DOK4: variants seen among roughly 807,000 people sequenced by gnomAD.
The protein encoded by DOK4 is downstream of tyrosine kinase 4.
In DOK4, 26 loss-of-function variants were observed where a neutral mutation model predicts 40.1. The observed-to-expected ratio is 0.65, with a 90% CI of 0.48 to 0.90. DOK4 has a LOEUF of 0.90. Among genes scored for constraint, DOK4 ranks in the 40% least tolerant of loss-of-function variants. The pLI is 0.00. For missense variants in DOK4, 392 were observed against 437.2 expected (o/e 0.90, Z 0.92); for synonymous variants, 179 against 177.0 (o/e 1.01, Z -0.09).
chr16:57,476,065 T>G, intron 2 of DOK4, 108 bp from the exon 3 acceptor site: 1 of 923,856 alleles, frequency 1.1e-6, no homozygotes, highest in Non-Finnish European at 1.7e-6. Flanking sequence ...CGCACAGCCT[T>G]CCCTGGAGCC....
exon 8 of DOK4, chr16:57,473,685 T>C: frequency 1.2e-6 from 2 of 1,614,166 alleles, no homozygotes; most frequent in South Asian, 1.1e-5. Context: ...CGCGGCAGCA[T>C]GGTCGTGGGT....
chr16:57,478,085 G>A lies in DOK4; in HGVS notation c.66+1357C>T, dbSNP rs568519876. ...AAGTCTGGGGCCATAGGAATGAGAAGTGATGTTAGAAGCGAAGCCTCTGCT... is the reference window on the plus strand; with the variant it reads ...AAGTCTGGGGCCATAGGAATGAGAAATGATGTTAGAAGCGAAGCCTCTGCT... On this transcript the variant is annotated intron_variant, in intron 2 of 8. Coordinates refer to ENST00000340099, the Ensembl canonical transcript of DOK4. Among the ~76,000 whole-genome samples the A allele has an allele frequency of 4.6e-5, 7 of 152,364 alleles. No homozygotes were observed. The South Asian group carries it at 1.4e-3, about 32-fold the overall frequency.
chr16:57,474,938 A>C, exon 6 of DOK4: 3 of 1,613,770 alleles, frequency 1.9e-6, no homozygotes, highest in Non-Finnish European at 2.5e-6. Context: ...CACTCGCCAT[A>C]CACGTCCAGG....
At position 57,474,087 on chromosome 16, in the gene DOK4, A is replaced by T. The variant is rs2031029483; in HGVS notation, c.600-48T>A. On this transcript the variant is annotated intron_variant, in intron 6 of 8. Transcript: ENST00000340099. ...AAGATGGTGGGGACCCACCACAGACATGCATGTGATTAGTTAGGCTCTCTT... is the reference window on the plus strand; with the variant it reads ...AAGATGGTGGGGACCCACCACAGACTTGCATGTGATTAGTTAGGCTCTCTT... 1.9e-6 allele frequency: 3 copies of T among 1,607,830 alleles called. No individual in the cohort carries two copies. The East Asian group carries it at 6.7e-5, about 36-fold the overall frequency.
Position 57,475,330 on chromosome 16 carries a change from C to T in DOK4, c.290-111G>A, listed in dbSNP as rs1327270870. 2.0e-6 allele frequency: 3 copies of T among 1,525,716 alleles called. No homozygotes were observed. In the East Asian group the frequency reaches 6.8e-5, roughly 34 times the overall value. 94.5% of individuals were successfully genotyped at this position (1,525,716 alleles called of 1,614,324 possible). A position where few individuals can be genotyped will look rare whatever the true frequency, so the allele number is the denominator to read the frequency against. On this transcript the variant is annotated intron_variant, in intron 4 of 8. Transcript: ENST00000340099. Reference sequence around the variant, plus strand: ...GCAGGGAGGGTAAGGACAGTGGGTTCTGCCTGCCTGTCTTGCCTCAACCCT... The same window carrying T: ...GCAGGGAGGGTAAGGACAGTGGGTTTTGCCTGCCTGTCTTGCCTCAACCCT...
At chr16:57,477,667 C>G (rs1408901766) in intron 2 of DOK4, among the ~76,000 whole-genome samples, 1 of 152,202 alleles carries the variant, frequency 6.6e-6, no homozygotes, top group African/African-American at 2.4e-5. Context: ...CCACTTCGCA[C>G]AGGGCTTTGA....
intron 2 of DOK4, chr16:57,476,201 G>A (rs1190249887): frequency 1.7e-5 from 9 of 534,492 alleles, no homozygotes; most frequent in Non-Finnish European, 3.1e-5. Flanking sequence ...CACAAAGGGT[G>A]CTCTCCTGAC....
At chr16:57,476,178 C>T in intron 2 of DOK4, 4 of 563,898 alleles carry the variant, frequency 7.1e-6, no homozygotes, top group Non-Finnish European at 9.6e-6. Context: ...TGGCTGGCTC[C>T]AAAACGCTGT....
chr16:57,479,363 G>A lies in DOK4; in HGVS notation c.66+79C>T, dbSNP rs116771309. ...CGGAGGGCAGCCGCGTGCCCCACGCGCCATGCCTCCAAGCCTGGGACCGAG... is the reference window on the plus strand; with the variant it reads ...CGGAGGGCAGCCGCGTGCCCCACGCACCATGCCTCCAAGCCTGGGACCGAG... On this transcript the variant is annotated intron_variant, in intron 2 of 8. Coordinates refer to ENST00000340099, the Ensembl canonical transcript of DOK4. This position sits in a 1 kb window ranked among gnomAD's most constrained non-coding sequence, Gnocchi z 5.8. 0.042 allele frequency: 63,146 copies of A among 1,519,190 alleles called. 1,540 individuals are homozygous for A. Among genetic ancestry groups the A allele is most frequent in the Middle Eastern group, 0.065 (381 of 5,836 alleles). The allele number at this position is 1,519,190 out of a possible 1,614,324, so 94.1% of individuals were successfully genotyped here.
chr16:57,473,227 C>T (rs1375836027), exon 9 of DOK4: 6 of 1,267,696 alleles, frequency 4.7e-6, no homozygotes, highest in Non-Finnish European at 6.4e-6. Flanking sequence ...TTGCCTCAGT[C>T]CAGCCTCATC....
chr16:57,475,416 A>C, intron 4 of DOK4, 90 bp downstream of exon 4: 3 of 1,401,842 alleles, frequency 2.1e-6, no homozygotes, highest in Non-Finnish European at 2.9e-6. Context: ...ATCTCCACCC[A>C]GGGTTAGCCC....
intron 8 of DOK4, 42 bp from the exon 9 acceptor site, chr16:57,473,537 A>G (rs2030979527): frequency 6.2e-7 from 1 of 1,614,076 alleles, no homozygotes; most frequent in Non-Finnish European, 8.5e-7. Context: ...AGCTAGGTCA[A>G]AAGACCCCTG....
At chr16:57,481,314 C>T (rs1331427932) in intron 1 of DOK4, 1 of 152,296 alleles carries the variant, frequency 6.6e-6, no homozygotes, top group Non-Finnish European at 1.5e-5. Context: ...CCTGATAGCC[C>T]CTCAATTCCA....
At chr16:57,473,224 A>G in exon 9 of DOK4, 2 of 1,222,388 alleles carry the variant, frequency 1.6e-6, no homozygotes, top group Non-Finnish European at 2.2e-6. Flanking sequence ...CCTTTGCCTC[A>G]GTCCAGCCTC....
chr16:57,473,827 C>A (rs1264641650), intron 7 of DOK4, 74 bp downstream of exon 7: 12 of 1,599,120 alleles, frequency 7.5e-6, no homozygotes, highest in Non-Finnish European at 1.0e-5. Context: ...CACTGTGTAC[C>A]CCAGGCACTT....
At chr16:57,475,993 G>T in intron 2 of DOK4, 36 bp from the exon 3 acceptor site, 1 of 1,554,042 alleles carries the variant, frequency 6.4e-7, no homozygotes, top group South Asian at 1.1e-5. Context: ...GGCCTCCCTG[G>T]ACCACTCCCA....
chr16:57,476,293 CA>C, intron 2 of DOK4: 1 of 312,626 alleles, frequency 3.2e-6, no homozygotes, highest in Non-Finnish European at 6.2e-6. Flanking sequence ...CTGTTATTAG[CA>C]CTGTGCACAG....
At chr16:57,484,841 G>A (rs1004880793) in intron 1 of DOK4, among the ~76,000 whole-genome samples, 3 of 152,178 alleles carry the variant, frequency 2.0e-5, no homozygotes, top group Admixed American at 1.3e-4. Context: ...ATCACCATGG[G>A]ATTTTCTTGT....
exon 4 of DOK4, chr16:57,475,582 G>A (rs1158581003): frequency 6.2e-7 from 1 of 1,609,138 alleles, no homozygotes; most frequent in Admixed American, 1.7e-5. Flanking sequence ...TCTCCTTGGG[G>A]AGCCGCGTAA....
Sources: gnomAD v4.1 joint callset for allele counts (sites outside exome capture counted in the v4.1 genomes callset) on GRCh38, gnomAD v4.1.1 for gene constraint, Gnocchi (gnomAD v3.1) non-coding constraint, MANE v1.5 for transcripts, NCBI Gene and HGNC (gene_info 2026-07-23, HGNC 2026-07-21) for gene names.